Variants in MAPT observed in about 807,000 individuals in gnomAD.
The protein encoded by MAPT is microtubule associated protein tau.
Under a neutral mutation model 67.9 loss-of-function variants are expected in MAPT, and 34 were observed. That is an observed-to-expected ratio of 0.50 (90% CI 0.38 to 0.67). The LOEUF (loss-of-function observed/expected upper bound fraction) is 0.67, where lower values mean the gene tolerates loss of function less well. Among genes scored for constraint, MAPT ranks in the 30% least tolerant of loss-of-function variants. The pLI is 0.00. For synonymous variants in MAPT, 456 were observed against 464.5 expected (o/e 0.98, Z 0.23); for missense variants, 881 against 1,115.2 (o/e 0.79, Z 2.99).
chr17:45,904,516 T>C (rs1460432848), intron 1 of MAPT, among the ~76,000 whole-genome samples: 1 of 147,374 alleles, frequency 6.8e-6, no homozygotes, highest in Non-Finnish European at 1.5e-5. Flanking sequence ...AACAAGATCC[T>C]GTCTCTACAA....
At position 45,983,819 on chromosome 17, in the gene MAPT, G is replaced by T. The variant is rs1012894245; in HGVS notation, c.1240G>T (p.Gly414Cys). The change falls in exon 5 of 13, where the codon GGC becomes TGC. Residue 414 changes from glycine (G) to cysteine (C), a missense_variant. Gly to Cys is a radical substitution (Grantham distance 159, BLOSUM62 -3). This residue lies in a region of MAPT where 687 missense variants were observed against 766.1 expected (regional missense o/e 0.90). Coordinates refer to ENST00000262410, the MANE Select transcript of MAPT (RefSeq NM_001377265.1). ...GAPGEGPEAR[G>C]PSLGEDTKEA... is the part of the protein sequence containing the mutation. ...CCCTGGAGAGGGGCCAGAGGCCCGGGGCCCCTCTTTGGGAGAGGACACAAA... is the reference window on the plus strand; with the variant it reads ...CCCTGGAGAGGGGCCAGAGGCCCGGTGCCCCTCTTTGGGAGAGGACACAAA... 1.9e-6 allele frequency: 3 copies of T among 1,613,084 alleles called. No individual in the cohort carries two copies. The highest frequency in any genetic ancestry group is 2.5e-6 in the Non-Finnish European group (3 of 1,179,908).
At position 45,989,946 on chromosome 17, in the gene MAPT, T is replaced by C; in HGVS notation, c.1476T>C (p.Pro492=). 3 of 1,614,184 alleles carry C rather than the reference T, an allele frequency of 1.9e-6. No homozygotes were observed. Among genetic ancestry groups the C allele is most frequent in the Non-Finnish European group, 2.5e-6 (3 of 1,180,022 alleles). ...GCCTTAGCCCCAAACACCCCACTCC[T>C]GGTAGCTCAGACCCTCTGATCCAAC... The part of the protein sequence containing the change: ...RPCLSPKHPT[P]GSSDPLIQPS... The change falls in exon 7 of 13, where the codon CCT becomes CCC. Residue 492 remains proline, a synonymous_variant. Transcript: ENST00000262410.
chr17:45,947,011 T>G (rs1226808903), intron 1 of MAPT, among the ~76,000 whole-genome samples: 1 of 152,220 alleles, frequency 6.6e-6, no homozygotes, highest in Non-Finnish European at 1.5e-5. Flanking sequence ...CTTGCCAGCA[T>G]GAGTCTTTCC....
At chr17:45,932,803 C>T (rs1480678530) in intron 1 of MAPT, among the ~76,000 whole-genome samples, 2 of 152,054 alleles carry the variant, frequency 1.3e-5, no homozygotes, top group Admixed American at 6.6e-5. Context: ...TAGACAGGGC[C>T]GGGTGCAGTG....
chr17:46,024,214 G>A lies in MAPT; in HGVS notation c.*43G>A, dbSNP rs749989584. 4 of 1,550,712 alleles carry A rather than the reference G, an allele frequency of 2.6e-6. No homozygotes were observed. Among genetic ancestry groups the A allele is most frequent in the Non-Finnish European group, 3.6e-6 (4 of 1,123,840 alleles). On this transcript the variant is annotated 3_prime_UTR_variant, in exon 13 of 13. Coordinates refer to ENST00000262410, the MANE Select transcript of MAPT (RefSeq NM_001377265.1). ...TCAATAATTGTGGAGAGGAGAGAAT[G>A]AGAGAGTGTGGAAAAAAAAAGAATA... is the stretch of plus-strand genomic sequence containing the variant.
intron 9 of MAPT, among the ~76,000 whole-genome samples, chr17:46,007,293 T>C (rs1479366417): frequency 6.6e-6 from 1 of 152,164 alleles, no homozygotes; most frequent in African/African-American, 2.4e-5. Flanking sequence ...GAGACCGGCC[T>C]GGGTGACATA....
At chr17:45,977,200 C>T (rs1223817760) in intron 3 of MAPT, 1 of 152,328 alleles carries the variant, frequency 6.6e-6, no homozygotes, top group Non-Finnish European at 1.5e-5. Context: ...CAGCCAATGG[C>T]CTGGGTGTTT....
intron 1 of MAPT, among the ~76,000 whole-genome samples, chr17:45,945,010 C>T (rs75686108): frequency 0.14 from 21,812 of 152,220 alleles, 2,137 homozygotes; most frequent in Non-Finnish European, 0.22. Flanking sequence ...CCTCTCTTTG[C>T]CTTGGTTTTC....
chr17:45,989,726 G>C, intron 6 of MAPT, 152 bp from the exon 7 acceptor site: 1 of 700,642 alleles, frequency 1.4e-6, no homozygotes, highest in Admixed American at 2.1e-5. Context: ...GATCAGAAGG[G>C]ATATTAAGGG....
At chr17:45,908,713 G>A (rs530848180) in intron 1 of MAPT, among the ~76,000 whole-genome samples, 21 of 152,280 alleles carry the variant, frequency 1.4e-4, no homozygotes, top group African/African-American at 3.6e-4. Flanking sequence ...GTACTTTCAT[G>A]GCGTTGAAAT....
chr17:45,946,615 A>AATAT (rs1177094945), intron 1 of MAPT, among the ~76,000 whole-genome samples: 9 of 100,400 alleles, frequency 9.0e-5, no homozygotes, highest in African/African-American at 3.5e-4. Context: ...AAAAAAAAAA[A>AATAT]ATATATATAT....
intron 9 of MAPT, among the ~76,000 whole-genome samples, chr17:46,002,392 G>C (rs192659315): frequency 6.6e-6 from 1 of 152,198 alleles, no homozygotes; most frequent in Non-Finnish European, 1.5e-5. Flanking sequence ...CATGCAGGGC[G>C]AGAGAGAAGT....
intron 2 of MAPT, among the ~76,000 whole-genome samples, chr17:45,965,157 C>T (rs758927503): frequency 9.2e-4 from 140 of 152,132 alleles, no homozygotes; most frequent in Non-Finnish European, 1.5e-3. Flanking sequence ...TTCAGCCGGG[C>T]GCGGTGGCTC....
intron 1 of MAPT, among the ~76,000 whole-genome samples, chr17:45,941,093 C>T (rs1412075072): frequency 1.3e-5 from 2 of 152,168 alleles, no homozygotes; most frequent in South Asian, 2.1e-4. Context: ...AACAGGAGAC[C>T]GGAGAGGCTG....
chr17:45,933,885 A>G (rs1169684103), intron 1 of MAPT, among the ~76,000 whole-genome samples: 1 of 151,224 alleles, frequency 6.6e-6, no homozygotes, highest in Non-Finnish European at 1.5e-5. Flanking sequence ...TTAAAAAATA[A>G]CAAGCAATAA....
intron 1 of MAPT, among the ~76,000 whole-genome samples, chr17:45,950,665 A>G (rs980787578): frequency 1.3e-5 from 2 of 151,958 alleles, no homozygotes; most frequent in Non-Finnish European, 2.9e-5. Context: ...AATTTTATTT[A>G]TTTATTTATT....
rs2076887690 is a variant in MAPT, at chr17:46,027,972, CACGAGGTCGGG to C, written c.*3802_*3812del. 1 of 153,754 alleles carries C rather than the reference CACGAGGTCGGG, an allele frequency of 6.5e-6. No homozygotes were observed. The highest frequency in any genetic ancestry group is 2.4e-5 in the African/African-American group (1 of 41,484). 9.5% of individuals were successfully genotyped at this position (153,754 alleles called of 1,614,324 possible). A position where few individuals can be genotyped will look rare whatever the true frequency, so the allele number is the denominator to read the frequency against. On this transcript the variant is annotated 3_prime_UTR_variant, in exon 13 of 13. Transcript: ENST00000262410. ...CTCATCTTTGTTCTCCAAGTAAAGCCACGAGGTCGGGGCGAGGGCAGAGGTGATCACCTGCG... is the reference window on the plus strand; with the variant it reads ...CTCATCTTTGTTCTCCAAGTAAAGCCGCGAGGGCAGAGGTGATCACCTGCG...
chr17:45,909,788 G>A (rs62056812), intron 1 of MAPT, among the ~76,000 whole-genome samples: 21,573 of 149,560 alleles, frequency 0.14, 2,105 homozygotes, highest in Middle Eastern at 0.22. Context: ...GGAGAGAATC[G>A]CTTGAATCCA....
chr17:45,934,950 A>G (rs2067191231), intron 1 of MAPT, among the ~76,000 whole-genome samples: 1 of 152,034 alleles, frequency 6.6e-6, no homozygotes. Context: ...AATAATTGGG[A>G]AAAGCAAAGG....
Sources: allele counts gnomAD v4.1 joint callset (sites outside exome capture counted in the v4.1 genomes callset), GRCh38; gene constraint gnomAD v4.1.1; regional missense constraint gnomAD v4.1.1; transcripts MANE v1.5; gene names NCBI Gene and HGNC (gene_info 2026-07-23, HGNC 2026-07-21).